The following HOMER1 variants were observed in gnomAD, a reference collection of about 807,000 sequenced individuals.
HOMER1 encodes homer protein homolog 1.
HOMER1 carries 3 observed loss-of-function variants against 48.9 expected under a neutral mutation model. The observed-to-expected ratio is 0.06, with a 90% CI of 0.03 to 0.16. The LOEUF (loss-of-function observed/expected upper bound fraction) is 0.16, where lower values mean the gene tolerates loss of function less well. Among genes scored for constraint, HOMER1 ranks in the 10% least tolerant of loss-of-function variants. HOMER1 has a pLI of 1.00. For synonymous variants in HOMER1, 134 were observed against 146.4 expected (o/e 0.92, Z 0.61); for missense variants, 247 against 411.4 (o/e 0.60, Z 3.46).
intron 5 of HOMER1, among the ~76,000 whole-genome samples, chr5:79,428,605 G>A (rs1156674172): frequency 2.0e-5 from 3 of 152,024 alleles, no homozygotes; most frequent in Non-Finnish European, 4.4e-5. Flanking sequence ...TAGGATACAA[G>A]ATCACTACAC....
chr5:79,418,560 T>G (rs1750006962), intron 5 of HOMER1, among the ~76,000 whole-genome samples: 1 of 152,242 alleles, frequency 6.6e-6, no homozygotes, highest in African/African-American at 2.4e-5. Flanking sequence ...TCAGCTTCCC[T>G]TAATCTAACA....
chr5:79,466,200 T>C (rs1461924315), intron 1 of HOMER1, among the ~76,000 whole-genome samples: 1 of 152,060 alleles, frequency 6.6e-6, no homozygotes, highest in Non-Finnish European at 1.5e-5. Flanking sequence ...ATATCAAGTA[T>C]GCCTGATAGA....
rs545589428 is a variant in HOMER1, at chr5:79,435,419, G to C, written c.527+3591C>G. Among the ~76,000 whole-genome samples the C allele has an allele frequency of 9.9e-5, 15 of 152,184 alleles. 1 individual carries two copies. The South Asian group carries it at 2.9e-3, about 30-fold the overall frequency. ...CCATCTTTTTTATTTTTAGCACATA[G>C]ACATTCTAGTGATTTTGCTCCTTAT... On this transcript the variant is annotated intron_variant, in intron 5 of 8. Transcript: ENST00000334082.
intron 5 of HOMER1, among the ~76,000 whole-genome samples, chr5:79,436,850 T>C (rs1750597499): frequency 1.3e-5 from 2 of 152,226 alleles, no homozygotes; most frequent in African/African-American, 4.8e-5. Context: ...TACTGATTAA[T>C]GTAAAATCAA....
At chr5:79,408,771 C>T (rs901908706) in intron 5 of HOMER1, among the ~76,000 whole-genome samples, 2 of 151,738 alleles carry the variant, frequency 1.3e-5, no homozygotes, top group Non-Finnish European at 2.9e-5. Context: ...TTAAAAACTT[C>T]TCTTTGAACA....
At chr5:79,510,560 A>T in intron 1 of HOMER1, 1 of 760,600 alleles carries the variant, frequency 1.3e-6, no homozygotes, top group East Asian at 2.5e-5. Context: ...CCTGAGGAAC[A>T]TGCAGTTTGC....
intron 1 of HOMER1, among the ~76,000 whole-genome samples, chr5:79,508,931 A>G (rs1752853302): frequency 6.6e-6 from 1 of 152,220 alleles, no homozygotes. Flanking sequence ...CAAAGGTTCA[A>G]AGTTGGTAAA....
chr5:79,424,648 GACA>G, intron 5 of HOMER1, among the ~76,000 whole-genome samples: 1 of 152,058 alleles, frequency 6.6e-6, no homozygotes, highest in Middle Eastern at 3.4e-3. Context: ...GTTCTCATAT[GACA>G]ACAAACCAAA....
intron 1 of HOMER1, among the ~76,000 whole-genome samples, chr5:79,507,312 A>T (rs1427983491): frequency 6.6e-6 from 1 of 152,002 alleles, no homozygotes; most frequent in African/African-American, 2.4e-5. Flanking sequence ...TTTTATCTCA[A>T]TTCTTCTAGA....
intron 1 of HOMER1, among the ~76,000 whole-genome samples, chr5:79,509,612 CA>C (rs913719068): frequency 6.6e-6 from 1 of 152,186 alleles, no homozygotes; most frequent in African/African-American, 2.4e-5. Flanking sequence ...ACCTATTTTA[CA>C]AACCCATACT....
At chr5:79,454,824 C>T (rs1312162882) in intron 2 of HOMER1, among the ~76,000 whole-genome samples, 1 of 151,858 alleles carries the variant, frequency 6.6e-6, no homozygotes, top group African/African-American at 2.4e-5. Flanking sequence ...ATAGTATTAA[C>T]AACAATAGCA....
Position 79,376,008 on chromosome 5 carries a change from C to T in HOMER1, c.*1G>A, listed in dbSNP as rs1401534925. ...TAATTGGCACTGAAATTTCACTTTC[C>T]TTAGCTGCATTCTAGTAGCTTGGCC... On this transcript the variant is annotated 3_prime_UTR_variant, in exon 9 of 9. Transcript: ENST00000334082. 6.2e-7 allele frequency: 1 copy of T among 1,600,638 alleles called. No individual in the cohort carries two copies. The highest frequency in any genetic ancestry group is 1.1e-5 in the South Asian group (1 of 89,268).
chr5:79,507,356 T>G (rs1752807760), intron 1 of HOMER1, among the ~76,000 whole-genome samples: 1 of 152,060 alleles, frequency 6.6e-6, no homozygotes, highest in South Asian at 2.1e-4. Context: ...TAAATATTCC[T>G]TATCACATGT....
chr5:79,416,306 A>G (rs956319990), intron 5 of HOMER1, among the ~76,000 whole-genome samples: 13 of 152,232 alleles, frequency 8.5e-5, no homozygotes, highest in African/African-American at 2.9e-4. Flanking sequence ...AAGTTAATGA[A>G]GCAATGAGAA....
At chr5:79,510,698 G>A in intron 1 of HOMER1, 1 of 868,432 alleles carries the variant, frequency 1.2e-6, no homozygotes, top group Non-Finnish European at 1.9e-6. Context: ...CCCAAAGGGT[G>A]TCAGCCGCAA....
At chr5:79,394,705 A>G (rs1418505222) in intron 8 of HOMER1, among the ~76,000 whole-genome samples, 2 of 152,176 alleles carry the variant, frequency 1.3e-5, no homozygotes, top group Non-Finnish European at 2.9e-5. Context: ...CTGGGACTAC[A>G]GGTGCACACC....
chr5:79,433,867 T>C (rs1249113628), intron 5 of HOMER1, among the ~76,000 whole-genome samples: 1 of 152,190 alleles, frequency 6.6e-6, no homozygotes, highest in Non-Finnish European at 1.5e-5. Flanking sequence ...AAGACTAATA[T>C]GCTAGAAAAT....
At chr5:79,388,055 C>CTAAA (rs1434779464) in intron 8 of HOMER1, among the ~76,000 whole-genome samples, 1 of 152,062 alleles carries the variant, frequency 6.6e-6, no homozygotes, top group Non-Finnish European at 1.5e-5. Flanking sequence ...AGGGCTCAGA[C>CTAAA]TAAACTACGG....
At position 79,379,798 on chromosome 5, in the gene HOMER1, C is replaced by T. The variant is rs533549059; in HGVS notation, c.877-3601G>A. Among the ~76,000 whole-genome samples the T allele has an allele frequency of 5.3e-5, 8 of 152,050 alleles. No homozygotes were observed. The East Asian group carries it at 1.5e-3, about 29-fold the overall frequency. On this transcript the variant is annotated intron_variant, in intron 8 of 8. Coordinates refer to ENST00000334082, the MANE Select transcript of HOMER1 (RefSeq NM_004272.5). ...TCTTCTGCTCATTATCATTTTGGCTCTGTTATTTCCCTCTTTTCCTTTACT... is the reference window on the plus strand; with the variant it reads ...TCTTCTGCTCATTATCATTTTGGCTTTGTTATTTCCCTCTTTTCCTTTACT...
Sources: allele counts gnomAD v4.1 joint callset (sites outside exome capture counted in the v4.1 genomes callset), GRCh38; gene constraint gnomAD v4.1.1; transcripts MANE v1.5; gene names NCBI Gene and HGNC (gene_info 2026-07-23, HGNC 2026-07-21).